The following WDPCP variants were observed in gnomAD, a reference collection of about 807,000 sequenced individuals.
The protein encoded by WDPCP is WD repeat containing planar cell polarity effector.
WDPCP carries 71 observed loss-of-function variants against 93.1 expected under a neutral mutation model. That is an observed-to-expected ratio of 0.76 (90% confidence interval 0.63 to 0.93). The LOEUF is 0.93. WDPCP is among the 40% of genes least tolerant of loss of function. WDPCP has a pLI of 0.00. For missense variants in WDPCP, 844 were observed against 887.4 expected, an observed-to-expected ratio of 0.95 and a Z score of 0.62; for synonymous variants, 315 against 315.0, an observed-to-expected ratio of 1.00 and a Z score of 0.00.
chr2:63,806,193 T>C (rs1434511357), intron 2 of WDPCP, among the ~76,000 whole-genome samples: 1 of 152,158 alleles, frequency 6.6e-6, no homozygotes, highest in African/African-American at 2.4e-5. Context: ...TTCTTTTCTA[T>C]TTTTCCTAAG....
chr2:63,356,401 C>T (rs1483237695), intron 12 of WDPCP, among the ~76,000 whole-genome samples: 5 of 152,134 alleles, frequency 3.3e-5, no homozygotes, highest in Non-Finnish European at 7.4e-5. Context: ...ATATTCAGGA[C>T]CTGAACTCAG....
intron 3 of WDPCP, among the ~76,000 whole-genome samples, chr2:63,641,111 A>G (rs1709975327): frequency 6.6e-6 from 1 of 152,106 alleles, no homozygotes; most frequent in Non-Finnish European, 1.5e-5. Context: ...TAACATAATG[A>G]TCTTTGGTTC....
At chr2:63,834,607 C>T in the WDPCP span, among the ~76,000 whole-genome samples, 2 of 152,306 alleles carry the variant, frequency 1.3e-5, no homozygotes, top group African/African-American at 4.8e-5. Flanking sequence ...GCAGCATTTA[C>T]CAGAGCTTCC....
intron 2 of WDPCP, among the ~76,000 whole-genome samples, chr2:63,693,952 C>T (rs1668926983): frequency 6.6e-6 from 1 of 152,128 alleles, no homozygotes; most frequent in South Asian, 2.1e-4. Flanking sequence ...TGTATTTCTG[C>T]TAATACCATT....
chr2:63,319,922 CAAAA>C (rs1686959527), intron 12 of WDPCP, among the ~76,000 whole-genome samples: 1 of 151,760 alleles, frequency 6.6e-6, no homozygotes, highest in African/African-American at 2.4e-5. Flanking sequence ...AATTAATTGA[CAAAA>C]AGATAAGCAA....
chr2:63,424,910 G>A (rs986343849), intron 9 of WDPCP, among the ~76,000 whole-genome samples: 1 of 152,190 alleles, frequency 6.6e-6, no homozygotes, highest in Non-Finnish European at 1.5e-5. Context: ...TGGATCTGGC[G>A]AGGGGCTTAT....
At chr2:63,505,422 G>A (rs1173192477) in intron 1 of WDPCP, among the ~76,000 whole-genome samples, 2 of 151,880 alleles carry the variant, frequency 1.3e-5, no homozygotes, top group African/African-American at 4.8e-5. Flanking sequence ...CATCATCACA[G>A]CTTAAAATGT....
intron 2 of WDPCP, among the ~76,000 whole-genome samples, chr2:63,667,552 AT>A (rs1710297984): frequency 6.6e-6 from 1 of 152,196 alleles, no homozygotes; most frequent in South Asian, 2.1e-4. Flanking sequence ...TATTACGCAC[AT>A]TCAAAAGCAG....
rs1291665518 is a variant in WDPCP at position 63,523,814 on chromosome 2, G to A, written c.76-30874C>T. Among the ~76,000 whole-genome samples the A allele has an allele frequency of 2.0e-5, 3 of 152,198 alleles. No homozygotes were observed. The East Asian group carries it at 5.8e-4, about 29-fold the overall frequency. ...TAATCCCAGCTACTCGGGAGGCTGAGGCAGGAGAATTGCTTGAACCCAGGA... is the reference window on the plus strand; with the variant it reads ...TAATCCCAGCTACTCGGGAGGCTGAAGCAGGAGAATTGCTTGAACCCAGGA... On this transcript the variant is annotated intron_variant, in intron 1 of 17. Transcript: ENST00000272321.
chr2:63,507,523 A>C (rs575518911), intron 1 of WDPCP, among the ~76,000 whole-genome samples: 1 of 152,034 alleles, frequency 6.6e-6, no homozygotes, highest in Non-Finnish European at 1.5e-5. Flanking sequence ...GGATGAAATA[A>C]ACCCAAGAAG....
intron 10 of WDPCP, among the ~76,000 whole-genome samples, chr2:63,386,841 T>C (rs927323833): frequency 1.3e-5 from 2 of 151,948 alleles, no homozygotes; most frequent in African/African-American, 4.8e-5. Context: ...AAAAAAACCC[T>C]CAGAGGATAT....
chr2:63,266,414 A>C (rs887487478), intron 13 of WDPCP, among the ~76,000 whole-genome samples: 2 of 152,216 alleles, frequency 1.3e-5, no homozygotes, highest in African/African-American at 4.8e-5. Context: ...AGCACCAAAA[A>C]AGAAAATACA....
chr2:63,762,615 T>C (rs1670071636), intron 2 of WDPCP, among the ~76,000 whole-genome samples: 1 of 152,206 alleles, frequency 6.6e-6, no homozygotes, highest in East Asian at 1.9e-4. Context: ...TTGTTGCTAG[T>C]GGGAACTCTC....
At chr2:63,809,720 C>T (rs536320192) in intron 2 of WDPCP, among the ~76,000 whole-genome samples, 258 of 151,928 alleles carry the variant, frequency 1.7e-3, no homozygotes, top group Middle Eastern at 3.4e-3. Context: ...GCAGCATGCT[C>T]GTTAAGAGTC....
chr2:63,558,399 G>A (rs1455768520), intron 1 of WDPCP, among the ~76,000 whole-genome samples: 12 of 151,966 alleles, frequency 7.9e-5, no homozygotes, highest in East Asian at 3.9e-4. Flanking sequence ...GTGGTGGTGC[G>A]TGCCTGTAAT....
At chr2:63,550,192 AACACACACACACACAC>A (rs56155473) in intron 1 of WDPCP, among the ~76,000 whole-genome samples, 11 of 44,350 alleles carry the variant, frequency 2.5e-4, no homozygotes, top group East Asian at 4.8e-3. Context: ...CATCTTAAGA[AACACACACACACACAC>A]ACACACACAC....
intron 14 of WDPCP, among the ~76,000 whole-genome samples, chr2:63,251,126 C>A (rs771658124): frequency 2.2e-4 from 33 of 152,018 alleles, no homozygotes; most frequent in Non-Finnish European, 3.7e-4. Context: ...AATATCAGAG[C>A]AGAACTAAAT....
intron 10 of WDPCP, among the ~76,000 whole-genome samples, chr2:63,399,988 AG>A (rs1694021739): frequency 6.6e-6 from 1 of 152,210 alleles, no homozygotes; most frequent in African/African-American, 2.4e-5. Flanking sequence ...GTAAATTGAA[AG>A]CTATTTAACA....
intron 2 of WDPCP, among the ~76,000 whole-genome samples, chr2:63,691,644 A>T (rs1347464366): frequency 1.3e-5 from 2 of 152,130 alleles, no homozygotes; most frequent in Non-Finnish European, 2.9e-5. Context: ...TCAAAAAAAG[A>T]AAAAAAGAAA....
Sources: allele counts gnomAD v4.1 joint callset (sites outside exome capture counted in the v4.1 genomes callset), GRCh38; gene constraint gnomAD v4.1.1; transcripts MANE v1.5; gene names NCBI Gene and HGNC (gene_info 2026-07-23, HGNC 2026-07-21).